PCSK2: variants seen among roughly 807,000 people sequenced by gnomAD.
PCSK2 encodes proprotein convertase subtilisin/kexin type 2.
PCSK2 carries 14 observed loss-of-function variants against 69.7 expected under a neutral mutation model. That is an observed-to-expected ratio of 0.20 (90% CI 0.13 to 0.31). The LOEUF is 0.31. Among genes scored for constraint, PCSK2 ranks in the 10% least tolerant of loss-of-function variants. The probability of loss-of-function intolerance (pLI) is 1.00; values close to 1 mark genes in which losing one functional copy is unlikely to be tolerated. For missense variants in PCSK2, 544 were observed against 842.5 expected, an observed-to-expected ratio of 0.65 and a Z score of 4.39; for synonymous variants, 307 against 320.7, an observed-to-expected ratio of 0.96 and a Z score of 0.46.
chr20:17,320,340 C>T (rs935989677), intron 2 of PCSK2, among the ~76,000 whole-genome samples: 3 of 152,172 alleles, frequency 2.0e-5, no homozygotes, highest in African/African-American at 7.2e-5. Flanking sequence ...TTCCCTTGGT[C>T]GCAAGACACA....
At chr20:17,315,170 C>A (rs571668453) in intron 2 of PCSK2, among the ~76,000 whole-genome samples, 1 of 152,098 alleles carries the variant, frequency 6.6e-6, no homozygotes. Context: ...GACTAATTCC[C>A]GCTCTGATGC....
chr20:17,305,725 G>C (rs1989304814), intron 2 of PCSK2, among the ~76,000 whole-genome samples: 2 of 152,132 alleles, frequency 1.3e-5, no homozygotes, highest in African/African-American at 2.4e-5. Flanking sequence ...TTTTCCTTAT[G>C]TATTTTTTGC....
chr20:17,256,079 AT>A (rs1568571795), intron 1 of PCSK2, among the ~76,000 whole-genome samples: 1 of 152,196 alleles, frequency 6.6e-6, no homozygotes, highest in Non-Finnish European at 1.5e-5. Context: ...GATTAGTAGA[AT>A]TCATCAGTAT....
chr20:17,333,950 G>C (rs1206978212), intron 2 of PCSK2, among the ~76,000 whole-genome samples: 1 of 83,706 alleles, frequency 1.2e-5, no homozygotes, highest in Non-Finnish European at 2.5e-5. Flanking sequence ...TTCAAATCTA[G>C]ATAGTTGTGT....
intron 2 of PCSK2, among the ~76,000 whole-genome samples, chr20:17,317,933 G>A (rs1034395289): frequency 6.6e-6 from 1 of 152,198 alleles, no homozygotes; most frequent in Non-Finnish European, 1.5e-5. Flanking sequence ...GTTGCCTGCA[G>A]CAGAGATGAA....
At chr20:17,357,607 TTACTC>T (rs1439242993) in intron 2 of PCSK2, among the ~76,000 whole-genome samples, 2 of 152,180 alleles carry the variant, frequency 1.3e-5, no homozygotes, top group Non-Finnish European at 2.9e-5. Context: ...TAAGAATACT[TTACTC>T]AGCCAGGTGC....
chr20:17,365,089 T>A (rs2030546497), intron 4 of PCSK2, among the ~76,000 whole-genome samples: 1 of 152,158 alleles, frequency 6.6e-6, no homozygotes, highest in Non-Finnish European at 1.5e-5. Flanking sequence ...TACCTTAGAC[T>A]AGGTCATTTA....
chr20:17,391,293 G>A (rs1032212593), intron 5 of PCSK2, among the ~76,000 whole-genome samples: 3 of 152,132 alleles, frequency 2.0e-5, no homozygotes, highest in Admixed American at 6.6e-5. Context: ...AAGATTCTCC[G>A]ATGCCCTTGA....
chr20:17,483,878 A>AT lies in PCSK2; in HGVS notation c.*1809dup, dbSNP rs2033452490. The AT allele has an allele frequency of 6.6e-6, 1 of 152,634 alleles. No individual in the cohort carries two copies. The highest frequency in any genetic ancestry group is 2.1e-4 in the South Asian group (1 of 4,832). The allele number at this position is 152,634 out of a possible 1,614,324, so 9.5% of individuals were successfully genotyped here. On this transcript the variant is annotated 3_prime_UTR_variant, in exon 12 of 12. Coordinates refer to ENST00000262545, the MANE Select transcript of PCSK2 (RefSeq NM_002594.5). ...ATAAACCAAAGGACATTATGTGTGC[A>AT]TGTGTGTATAAGTGCACACAGAAAT...
At chr20:17,308,261 C>T (rs1055144269) in intron 2 of PCSK2, among the ~76,000 whole-genome samples, 1 of 152,222 alleles carries the variant, frequency 6.6e-6, no homozygotes, top group Non-Finnish European at 1.5e-5. Context: ...CCAGGCCCCA[C>T]CTCCAACACT....
intron 2 of PCSK2, among the ~76,000 whole-genome samples, chr20:17,300,678 T>G (rs970849881): frequency 8.5e-5 from 13 of 152,200 alleles, no homozygotes; most frequent in African/African-American, 3.1e-4. Flanking sequence ...AATATTTTTA[T>G]TTTTCTCATT....
chr20:17,375,893 A>G (rs978514393), intron 5 of PCSK2, among the ~76,000 whole-genome samples: 4 of 152,232 alleles, frequency 2.6e-5, no homozygotes, highest in African/African-American at 7.2e-5. Flanking sequence ...GGGACTCTGT[A>G]GAATCTCCCT....
chr20:17,300,846 A>T (rs187566992), intron 2 of PCSK2, among the ~76,000 whole-genome samples: 6 of 152,336 alleles, frequency 3.9e-5, no homozygotes, highest in Non-Finnish European at 8.8e-5. Context: ...AGTCCTCACA[A>T]AGCCTCTTAT....
chr20:17,301,696 T>C (rs1989089323), intron 2 of PCSK2, among the ~76,000 whole-genome samples: 1 of 151,784 alleles, frequency 6.6e-6, no homozygotes, highest in Admixed American at 6.6e-5. Flanking sequence ...ACTTTGGGAG[T>C]CCAAGGCAGG....
intron 2 of PCSK2, among the ~76,000 whole-genome samples, chr20:17,353,723 C>G (rs2030093003): frequency 6.6e-6 from 1 of 152,118 alleles, no homozygotes; most frequent in Non-Finnish European, 1.5e-5. Flanking sequence ...TTCACAGTTG[C>G]AAAGACATGA....
chr20:17,382,731 C>T (rs889588737), intron 5 of PCSK2, among the ~76,000 whole-genome samples: 6 of 152,086 alleles, frequency 3.9e-5, no homozygotes, highest in African/African-American at 1.4e-4. Context: ...GCAGAAAGGT[C>T]GTTACAAAGA....
intron 5 of PCSK2, among the ~76,000 whole-genome samples, chr20:17,403,567 A>G (rs900499381): frequency 6.6e-6 from 1 of 152,230 alleles, no homozygotes; most frequent in Non-Finnish European, 1.5e-5. Context: ...TATCTGAAGG[A>G]GCTCATTTCT....
At chr20:17,344,744 A>C (rs1990601663) in intron 2 of PCSK2, among the ~76,000 whole-genome samples, 1 of 152,050 alleles carries the variant, frequency 6.6e-6, no homozygotes, top group Non-Finnish European at 1.5e-5. Flanking sequence ...TGCCAAGCAT[A>C]AAAAATGTGC....
chr20:17,417,403 G>A (rs1600563687), intron 6 of PCSK2, among the ~76,000 whole-genome samples: 1 of 151,924 alleles, frequency 6.6e-6, no homozygotes, highest in Non-Finnish European at 1.5e-5. Flanking sequence ...TGATCCCCAT[G>A]CCTTAGGGAG....
Sources: gnomAD v4.1 joint callset for allele counts (sites outside exome capture counted in the v4.1 genomes callset) on GRCh38, gnomAD v4.1.1 for gene constraint, MANE v1.5 for transcripts, NCBI Gene and HGNC (gene_info 2026-07-23, HGNC 2026-07-21) for gene names.